The following MRPS28 variants were observed in gnomAD, a reference collection of about 807,000 sequenced individuals.
MRPS28 encodes small ribosomal subunit protein bS1m.
MRPS28 carries 7 observed loss-of-function variants against 10.8 expected under a neutral mutation model. The observed-to-expected ratio is 0.65, with a 90% CI of 0.37 to 1.22. The LOEUF is 1.22. Among genes scored for constraint, MRPS28 ranks in the 50% most tolerant of loss-of-function variants. The pLI is 0.02. For missense variants in MRPS28, 265 were observed against 232.9 expected (o/e 1.14, Z -0.90); for synonymous variants, 121 against 93.3 (o/e 1.30, Z -1.71).
chr8:79,976,986 G>T lies in MRPS28; in HGVS notation c.395+26013C>A, dbSNP rs80269628. ...AGAGATGTTCCAGACTGTGTCATTTGTAAGAGTGAAAAAGTAGTAACAACC... is the reference window on the plus strand; with the variant it reads ...AGAGATGTTCCAGACTGTGTCATTTTTAAGAGTGAAAAAGTAGTAACAACC... On this transcript the variant is annotated intron_variant, in intron 2 of 2. Transcript: ENST00000276585. Among the ~76,000 whole-genome samples the T allele has an allele frequency of 1.5e-3, 233 of 152,192 alleles. No homozygotes were observed. The East Asian group carries it at 0.016, about 10-fold the overall frequency.
chr8:79,944,702 T>TTTTTC (rs386413172), intron 2 of MRPS28, among the ~76,000 whole-genome samples: 3 of 8,120 alleles, frequency 3.7e-4, no homozygotes, highest in African/African-American at 3.2e-3. Flanking sequence ...TTCTTTTTTC[T>TTTTTC]TTTTTTTTTT....
intron 2 of MRPS28, among the ~76,000 whole-genome samples, chr8:79,950,366 G>A (rs1390819684): frequency 6.6e-6 from 1 of 152,056 alleles, no homozygotes; most frequent in African/African-American, 2.4e-5. Context: ...TGATTTGAAT[G>A]ACTCTATTCT....
At chr8:79,979,688 C>A (rs894596342) in intron 2 of MRPS28, among the ~76,000 whole-genome samples, 1 of 151,614 alleles carries the variant, frequency 6.6e-6, no homozygotes, top group African/African-American at 2.4e-5. Flanking sequence ...TGCACTCATC[C>A]CAGGTCTGCT....
intron 2 of MRPS28, among the ~76,000 whole-genome samples, chr8:79,930,224 T>C (rs1032626068): frequency 6.6e-6 from 1 of 152,198 alleles, no homozygotes; most frequent in African/African-American, 2.4e-5. Context: ...GATCACTTAA[T>C]TAACTAGGCA....
intron 2 of MRPS28, among the ~76,000 whole-genome samples, chr8:79,936,253 G>T (rs1806601659): frequency 6.6e-6 from 1 of 151,870 alleles, no homozygotes; most frequent in Non-Finnish European, 1.5e-5. Context: ...TTTGAGCCCA[G>T]GAGTTCGAGT....
At chr8:79,969,120 C>G (rs1455766479) in intron 2 of MRPS28, among the ~76,000 whole-genome samples, 1 of 152,128 alleles carries the variant, frequency 6.6e-6, no homozygotes, top group African/African-American at 2.4e-5. Flanking sequence ...ATGAACAAGT[C>G]TATTATATTA....
chr8:79,974,508 T>C (rs1424944198), intron 2 of MRPS28, among the ~76,000 whole-genome samples: 1 of 150,488 alleles, frequency 6.6e-6, no homozygotes, highest in Non-Finnish European at 1.5e-5. Flanking sequence ...GCCACTATAT[T>C]CCAGCCTGGG....
At chr8:80,018,184 T>C (rs1244774880) in intron 1 of MRPS28, among the ~76,000 whole-genome samples, 2 of 148,564 alleles carry the variant, frequency 1.3e-5, no homozygotes, top group Non-Finnish European at 3.0e-5. Context: ...TCCCAGCTAC[T>C]GGGGAGGCTG....
At chr8:79,964,712 C>T (rs531020957) in intron 2 of MRPS28, among the ~76,000 whole-genome samples, 12 of 151,988 alleles carry the variant, frequency 7.9e-5, no homozygotes, top group Non-Finnish European at 1.2e-4. Context: ...TCATTGGAGG[C>T]TGTGAAGGTA....
intron 2 of MRPS28, among the ~76,000 whole-genome samples, chr8:79,967,875 G>GTA (rs1422279158): frequency 1.3e-5 from 2 of 152,092 alleles, no homozygotes; most frequent in Admixed American, 6.6e-5. Flanking sequence ...ATTAGTATAT[G>GTA]TATATATACT....
At chr8:79,985,570 G>A (rs1294362980) in intron 2 of MRPS28, among the ~76,000 whole-genome samples, 4 of 151,932 alleles carry the variant, frequency 2.6e-5, no homozygotes, top group Non-Finnish European at 4.4e-5. Context: ...TCACATAGAC[G>A]CAATAAAAAA....
chr8:79,936,477 T>C (rs968618778), intron 2 of MRPS28, among the ~76,000 whole-genome samples: 45 of 152,310 alleles, frequency 3.0e-4, no homozygotes, highest in African/African-American at 9.9e-4. Context: ...TACCAATTTG[T>C]CCAGAAATTC....
intron 1 of MRPS28, among the ~76,000 whole-genome samples, chr8:80,011,663 G>T (rs1809054023): frequency 6.6e-6 from 1 of 151,976 alleles, no homozygotes; most frequent in African/African-American, 2.4e-5. Flanking sequence ...TGAGGCAGGA[G>T]AATCACTTGA....
chr8:79,931,249 A>G (rs1806453337), intron 2 of MRPS28, among the ~76,000 whole-genome samples: 1 of 152,136 alleles, frequency 6.6e-6, no homozygotes, highest in Non-Finnish European at 1.5e-5. Flanking sequence ...ATCAAATTCT[A>G]TTTTATAGAG....
chr8:79,925,622 A>G (rs1810213009), intron 2 of MRPS28, among the ~76,000 whole-genome samples: 1 of 152,342 alleles, frequency 6.6e-6, no homozygotes, highest in East Asian at 1.9e-4. Flanking sequence ...GAATATGCAT[A>G]TAATACATTA....
At chr8:79,921,588 G>A (rs1810096018) in intron 2 of MRPS28, among the ~76,000 whole-genome samples, 1 of 152,190 alleles carries the variant, frequency 6.6e-6, no homozygotes, top group African/African-American at 2.4e-5. Context: ...TTGGCTCTCT[G>A]TTATTGGTGT....
chr8:79,967,115 G>C (rs1237098959), intron 2 of MRPS28, among the ~76,000 whole-genome samples: 1 of 152,112 alleles, frequency 6.6e-6, no homozygotes, highest in Admixed American at 6.6e-5. Flanking sequence ...CATATCTTTT[G>C]ACAACAGGCA....
rs546583518 is a variant in MRPS28, at chr8:79,930,043, G to A, written c.396-10895C>T. ...TCATTTAACTCTGGTAGACCATGAA[G>A]TACAACACTCTCAGTGACTTACCAC... On this transcript the variant is annotated intron_variant, in intron 2 of 2. Coordinates refer to ENST00000276585, the MANE Select transcript of MRPS28 (RefSeq NM_014018.3). 3.9e-5 allele frequency among the ~76,000 whole-genome samples: 6 copies of A among 152,272 alleles called. No individual in the cohort carries two copies. The East Asian group carries it at 1.2e-3, about 29-fold the overall frequency.
At chr8:80,011,797 AC>A (rs1030993333) in intron 1 of MRPS28, among the ~76,000 whole-genome samples, 12 of 152,186 alleles carry the variant, frequency 7.9e-5, no homozygotes, top group Non-Finnish European at 1.6e-4. Context: ...AAAACAAAAA[AC>A]CAGATGACAC....
Sources: allele counts gnomAD v4.1 joint callset (sites outside exome capture counted in the v4.1 genomes callset), GRCh38; gene constraint gnomAD v4.1.1; transcripts MANE v1.5; gene names NCBI Gene and HGNC (gene_info 2026-07-23, HGNC 2026-07-21).